The following CAMK1D variants were observed in gnomAD, a reference collection of about 807,000 sequenced individuals.
The protein encoded by CAMK1D is calcium/calmodulin-dependent protein kinase type 1D.
In CAMK1D, 9 loss-of-function variants were observed where a neutral mutation model predicts 47.7. The ratio of observed to expected loss-of-function variants is 0.19; its 90% CI spans 0.11 to 0.33. The LOEUF (loss-of-function observed/expected upper bound fraction) is 0.33, where lower values mean the gene tolerates loss of function less well. CAMK1D is among the 10% of genes least tolerant of loss of function. CAMK1D has a pLI of 1.00. For missense variants in CAMK1D, 291 were observed against 488.7 expected (o/e 0.60, Z 3.81); for synonymous variants, 184 against 184.9 (o/e 0.99, Z 0.04).
intron 1 of CAMK1D, among the ~76,000 whole-genome samples, chr10:12,381,625 C>T (rs1351975806): frequency 1.3e-5 from 2 of 152,126 alleles, no homozygotes; most frequent in Admixed American, 1.3e-4. Flanking sequence ...TGCACCCAGC[C>T]AATTCTCAAG....
intron 3 of CAMK1D, among the ~76,000 whole-genome samples, chr10:12,743,920 G>C (rs187898657): frequency 6.6e-6 from 1 of 152,202 alleles, no homozygotes; most frequent in East Asian, 1.9e-4. Flanking sequence ...CTACTCCAGA[G>C]GCTGAAACAG....
chr10:12,457,216 G>A (rs1226332484), intron 1 of CAMK1D, among the ~76,000 whole-genome samples: 1 of 152,012 alleles, frequency 6.6e-6, no homozygotes, highest in Non-Finnish European at 1.5e-5. Context: ...CATGGTGAAA[G>A]CCTGTGTATA....
chr10:12,769,845 T>C, intron 5 of CAMK1D, 46 bp downstream of exon 5: 2 of 1,605,568 alleles, frequency 1.2e-6, no homozygotes, highest in South Asian at 2.2e-5. Flanking sequence ...GTGTGTGATG[T>C]CCTCATGTGT....
chr10:12,611,276 G>T (rs140209344), intron 2 of CAMK1D, among the ~76,000 whole-genome samples: 1 of 152,092 alleles, frequency 6.6e-6, no homozygotes. Context: ...TCCACTAAAC[G>T]CAGGCCCTGT....
chr10:12,801,411 TC>T (rs1838471554), intron 6 of CAMK1D, among the ~76,000 whole-genome samples: 6 of 143,318 alleles, frequency 4.2e-5, no homozygotes, highest in Admixed American at 1.4e-4. Flanking sequence ...TCTGTCCATC[TC>T]ATTCATCAAC....
At chr10:12,541,547 G>A (rs2132244919) in intron 1 of CAMK1D, among the ~76,000 whole-genome samples, 1 of 152,160 alleles carries the variant, frequency 6.6e-6, no homozygotes, top group South Asian at 2.1e-4. Flanking sequence ...TATTTTTAGA[G>A]ACAGGGTTTC....
chr10:12,697,550 C>T (rs923748429), intron 3 of CAMK1D, among the ~76,000 whole-genome samples: 16 of 152,120 alleles, frequency 1.1e-4, no homozygotes, highest in Non-Finnish European at 1.8e-4. Flanking sequence ...AGGTGCCCAC[C>T]GTCATGCCTG....
At chr10:12,532,817 G>A (rs1411867611) in intron 1 of CAMK1D, among the ~76,000 whole-genome samples, 3 of 152,074 alleles carry the variant, frequency 2.0e-5, no homozygotes, top group African/African-American at 4.8e-5. Flanking sequence ...GGAGATCATC[G>A]TGTTAAGTGA....
intron 1 of CAMK1D, among the ~76,000 whole-genome samples, chr10:12,355,185 G>A (rs1837472391): frequency 6.6e-6 from 1 of 152,102 alleles, no homozygotes; most frequent in African/African-American, 2.4e-5. Context: ...CACAATAAGA[G>A]CTCAGGACCA....
chr10:12,650,140 G>A (rs561966592), intron 2 of CAMK1D, among the ~76,000 whole-genome samples: 2 of 152,342 alleles, frequency 1.3e-5, no homozygotes, highest in South Asian at 2.1e-4. Context: ...AGGGGCTGCC[G>A]ACCACGTGAG....
At chr10:12,824,578 C>G (rs760019921) in intron 9 of CAMK1D, 26 bp downstream of exon 9, 1 of 1,574,978 alleles carries the variant, frequency 6.3e-7, no homozygotes, top group Non-Finnish European at 8.7e-7. Context: ...ATGAAATTCC[C>G]CGTGGATTAA....
intron 1 of CAMK1D, among the ~76,000 whole-genome samples, chr10:12,350,417 C>T (rs1326526888): frequency 6.6e-6 from 1 of 152,232 alleles, no homozygotes; most frequent in Non-Finnish European, 1.5e-5. Context: ...TTTGGGTGGC[C>T]ACGCGAGGAT....
At chr10:12,777,283 C>T (rs1326915618) in intron 5 of CAMK1D, among the ~76,000 whole-genome samples, 3 of 149,132 alleles carry the variant, frequency 2.0e-5, no homozygotes, top group Admixed American at 1.3e-4. Context: ...CCCCGTCAGA[C>T]ATGGAGAAAG....
intron 2 of CAMK1D, among the ~76,000 whole-genome samples, chr10:12,562,969 T>C (rs577294920): frequency 9.8e-5 from 15 of 152,318 alleles, no homozygotes; most frequent in African/African-American, 3.4e-4. Flanking sequence ...CTGGCTTTGG[T>C]GACTGTATTA....
chr10:12,420,258 C>T (rs1840005079), intron 1 of CAMK1D, among the ~76,000 whole-genome samples: 1 of 152,178 alleles, frequency 6.6e-6, no homozygotes, highest in African/African-American at 2.4e-5. Context: ...ACGCCTGGCC[C>T]ATGTCTATGT....
chr10:12,788,727 AAG>A (rs1194261784), intron 5 of CAMK1D, among the ~76,000 whole-genome samples: 2 of 152,206 alleles, frequency 1.3e-5, no homozygotes, highest in African/African-American at 4.8e-5. Flanking sequence ...CCCATAAGAC[AAG>A]AGTCTTGAGA....
chr10:12,351,186 CG>C (rs1481762016), intron 1 of CAMK1D, among the ~76,000 whole-genome samples: 3 of 152,106 alleles, frequency 2.0e-5, no homozygotes, highest in Non-Finnish European at 4.4e-5. Context: ...TTCTGATTCC[CG>C]GGAAGGCGCA....
At chr10:12,564,147 GTCTCTCTCTC>G (rs56063700) in intron 2 of CAMK1D, among the ~76,000 whole-genome samples, 15,234 of 139,456 alleles carry the variant, frequency 0.11, 927 homozygotes, top group South Asian at 0.15. Context: ...CTCTCTCTCT[GTCTCTCTCTC>G]TCTCTCTCTC....
chr10:12,360,902 T>A lies in CAMK1D; in HGVS notation c.92+10992T>A, dbSNP rs185430664. On this transcript the variant is annotated intron_variant, in intron 1 of 10. Coordinates refer to ENST00000619168, the MANE Select transcript of CAMK1D (RefSeq NM_153498.4). ...CGGGCCAGGCCGGGACTGCAGATACTGTCACAGCTCTACCATGGACGCCAG... is the reference window on the plus strand; with the variant it reads ...CGGGCCAGGCCGGGACTGCAGATACAGTCACAGCTCTACCATGGACGCCAG... Among the ~76,000 whole-genome samples the A allele has an allele frequency of 3.7e-3, 563 of 152,302 alleles. 2 individuals carry two copies. The highest frequency in any genetic ancestry group is 0.013 in the African/African-American group (551 of 41,558).
Sources: allele counts gnomAD v4.1 joint callset (sites outside exome capture counted in the v4.1 genomes callset), GRCh38; gene constraint gnomAD v4.1.1; transcripts MANE v1.5; gene names NCBI Gene and HGNC (gene_info 2026-07-23, HGNC 2026-07-21).